The following AP1AR variants were observed in gnomAD, a reference collection of about 807,000 sequenced individuals.
The protein encoded by AP1AR is adaptor related protein complex 1 associated regulatory protein.
A neutral mutation model predicts 46.3 loss-of-function variants in AP1AR; 29 were observed. That is an observed-to-expected ratio of 0.63 (90% confidence interval 0.47 to 0.85). The LOEUF is 0.85. Among genes scored for constraint, AP1AR ranks in the 40% least tolerant of loss-of-function variants. The probability of loss-of-function intolerance (pLI) is 0.00; values close to 1 mark genes in which losing one functional copy is unlikely to be tolerated. For missense variants in AP1AR, 357 were observed against 356.3 expected (o/e 1.00, Z -0.02); for synonymous variants, 122 against 122.9 (o/e 0.99, Z 0.05).
At chr4:112,239,264 A>G (rs1180906538) in intron 1 of AP1AR, among the ~76,000 whole-genome samples, 4 of 152,170 alleles carry the variant, frequency 2.6e-5, no homozygotes, top group Non-Finnish European at 4.4e-5. Context: ...CCCTCCAGCT[A>G]TTAACCCTAT....
intron 3 of AP1AR, among the ~76,000 whole-genome samples, chr4:112,255,881 C>G (rs1219860581): frequency 6.6e-6 from 1 of 152,232 alleles, no homozygotes; most frequent in Admixed American, 6.5e-5. Flanking sequence ...TTTGCAACTT[C>G]ACTAAATTAA....
At chr4:112,264,910 A>T in intron 6 of AP1AR, 99 bp from the exon 7 acceptor site, 1 of 869,360 alleles carries the variant, frequency 1.2e-6, no homozygotes, top group Non-Finnish European at 1.7e-6. Context: ...TTTTTTTTTT[A>T]GAAACTAGAA....
intron 5 of AP1AR, among the ~76,000 whole-genome samples, chr4:112,262,083 A>ATGT (rs1726472424): frequency 6.6e-6 from 1 of 152,060 alleles, no homozygotes; most frequent in Non-Finnish European, 1.5e-5. Context: ...GGAGGCCAAG[A>ATGT]CAGGCAGATT....
chr4:112,253,108 T>G (rs2110480329), intron 1 of AP1AR, 100 bp from the exon 2 acceptor site: 1 of 839,972 alleles, frequency 1.2e-6, no homozygotes, highest in African/African-American at 1.8e-5. Context: ...TGTTAGAGAT[T>G]TTAAAGTTGC....
At chr4:112,243,067 G>A (rs1467954180) in intron 1 of AP1AR, among the ~76,000 whole-genome samples, 2 of 152,166 alleles carry the variant, frequency 1.3e-5, no homozygotes, top group Non-Finnish European at 2.9e-5. Context: ...GTGGGTTGCT[G>A]CCCAAATTAC....
rs1560616932 is a variant in AP1AR at position 112,269,997 on chromosome 4, G to C, written c.*1588G>C. 6.6e-6 allele frequency: 1 copy of C among 152,492 alleles called. No individual in the cohort carries two copies. The highest frequency in any genetic ancestry group is 2.4e-5 in the African/African-American group (1 of 41,436). 9.4% of individuals were successfully genotyped at this position (152,492 alleles called of 1,614,324 possible). A position where few individuals can be genotyped will look rare whatever the true frequency, so the allele number is the denominator to read the frequency against. ...TCATAAAGAATTTTTTGAAGGAATG[G>C]TAACAAATGGTAATTTACAAATGGT... is the stretch of plus-strand genomic sequence containing the variant. On this transcript the variant is annotated 3_prime_UTR_variant, in exon 10 of 10. Coordinates refer to ENST00000274000, the MANE Select transcript of AP1AR (RefSeq NM_018569.6).
At chr4:112,244,348 T>C (rs995283789) in intron 1 of AP1AR, among the ~76,000 whole-genome samples, 1 of 152,210 alleles carries the variant, frequency 6.6e-6, no homozygotes. Context: ...AGAAGGAAAC[T>C]TGTCCTATCA....
chr4:112,246,411 CAGGA>C (rs1725729164), intron 1 of AP1AR, among the ~76,000 whole-genome samples: 1 of 152,130 alleles, frequency 6.6e-6, no homozygotes, highest in Non-Finnish European at 1.5e-5. Flanking sequence ...GAGGCTGAGG[CAGGA>C]AAATCGCTTG....
intron 1 of AP1AR, among the ~76,000 whole-genome samples, chr4:112,233,263 T>G (rs1725097967): frequency 6.6e-6 from 1 of 152,244 alleles, no homozygotes; most frequent in South Asian, 2.1e-4. Context: ...ATTCATTAAT[T>G]AGGCATTGTG....
At chr4:112,240,599 A>G (rs534421934) in intron 1 of AP1AR, among the ~76,000 whole-genome samples, 1 of 152,308 alleles carries the variant, frequency 6.6e-6, no homozygotes, top group East Asian at 1.9e-4. Flanking sequence ...AGTATCTTGA[A>G]TATGTCAGGT....
intron 8 of AP1AR, 86 bp downstream of exon 8, chr4:112,265,893 T>TTC: frequency 1.2e-6 from 1 of 812,162 alleles, no homozygotes; most frequent in Non-Finnish European, 1.9e-6. Flanking sequence ...GTAGAAGAAC[T>TTC]TTCTGTTCTT....
rs1225863565 is a variant in AP1AR at position 112,272,570 on chromosome 4, T to TGG, written c.*4164_*4165dup. On this transcript the variant is annotated 3_prime_UTR_variant, in exon 10 of 10. Coordinates refer to ENST00000274000, the MANE Select transcript of AP1AR (RefSeq NM_018569.6). ...ACTGCACATACAGGGAGGGAAGAGA[T>TGG]GGGGAAAAAAATAGGAAATAATAAA... Among the ~76,000 whole-genome samples, 2 of 151,974 alleles carry TGG rather than the reference T, an allele frequency of 1.3e-5. No individual in the cohort carries two copies. The highest frequency in any genetic ancestry group is 2.9e-5 in the Non-Finnish European group (2 of 67,986).
At chr4:112,232,688 G>A (rs1338832222) in intron 1 of AP1AR, among the ~76,000 whole-genome samples, 1 of 152,180 alleles carries the variant, frequency 6.6e-6, no homozygotes, top group African/African-American at 2.4e-5. Context: ...GATGAACTCT[G>A]GTAGCTACAA....
chr4:112,242,188 C>T (rs1725529020), intron 1 of AP1AR, among the ~76,000 whole-genome samples: 1 of 152,190 alleles, frequency 6.6e-6, no homozygotes, highest in Admixed American at 6.5e-5. Flanking sequence ...CTTAACAAGA[C>T]TGGTTTTATC....
intron 5 of AP1AR, among the ~76,000 whole-genome samples, chr4:112,261,339 G>A (rs1000460623): frequency 6.6e-5 from 10 of 152,136 alleles, no homozygotes; most frequent in Admixed American, 6.5e-4. Flanking sequence ...GGCTGAGGTG[G>A]GAGTATTGCT....
chr4:112,233,704 T>C (rs573186901), intron 1 of AP1AR, among the ~76,000 whole-genome samples: 1 of 152,318 alleles, frequency 6.6e-6, no homozygotes, highest in South Asian at 2.1e-4. Context: ...GTTTTTTTCA[T>C]GGGGTCTCCG....
intron 1 of AP1AR, among the ~76,000 whole-genome samples, chr4:112,250,979 A>G (rs1725936726): frequency 6.6e-6 from 1 of 152,190 alleles, no homozygotes; most frequent in African/African-American, 2.4e-5. Context: ...AGAATTTGTA[A>G]TAGGGATGTT....
intron 1 of AP1AR, among the ~76,000 whole-genome samples, chr4:112,237,681 A>T (rs139269467): frequency 2.0e-5 from 3 of 148,724 alleles, no homozygotes; most frequent in African/African-American, 5.0e-5. Context: ...CTGGTCTCGA[A>T]CTCCTGAACT....
At position 112,268,331 on chromosome 4, in the gene AP1AR, T is replaced by C. The variant is rs371663733; in HGVS notation, c.831T>C (p.Tyr277=). ...AEMDDNGNSE[Y]SGFVNPVLEL... Reference sequence around the variant, plus strand: ...TGGATGATAATGGAAATTCCGAGTATTCTGGATTTGTAAATCCTGTATTAG... The same window carrying C: ...TGGATGATAATGGAAATTCCGAGTACTCTGGATTTGTAAATCCTGTATTAG... The change falls in exon 10 of 10, where the codon TAT becomes TAC. Residue 277 remains tyrosine, a synonymous_variant. Transcript: ENST00000274000. 100 of 1,613,192 alleles carry C rather than the reference T, an allele frequency of 6.2e-5. 1 individual carries two copies. The Middle Eastern group carries it at 4.6e-3, about 75-fold the overall frequency.
Sources: gnomAD v4.1 joint callset for allele counts (sites outside exome capture counted in the v4.1 genomes callset) on GRCh38, gnomAD v4.1.1 for gene constraint, MANE v1.5 for transcripts, NCBI Gene and HGNC (gene_info 2026-07-23, HGNC 2026-07-21) for gene names.